Variants in FMN1 observed in about 807,000 individuals in gnomAD.
FMN1 encodes formin-1.
In FMN1, 110 loss-of-function variants were observed where a neutral mutation model predicts 132.4. That is an observed-to-expected ratio of 0.83 (90% CI 0.71 to 0.97). The LOEUF is 0.97. FMN1 is among the 50% of genes least tolerant of loss of function. The pLI is 0.00. For synonymous variants in FMN1, 722 were observed against 651.7 expected (o/e 1.11, Z -1.64); for missense variants, 1,792 against 1,705.3 (o/e 1.05, Z -0.90).
chr15:33,168,963 A>C (rs1965213765), intron 3 of FMN1, among the ~76,000 whole-genome samples: 1 of 152,196 alleles, frequency 6.6e-6, no homozygotes, highest in African/African-American at 2.4e-5. Flanking sequence ...TAATAAACTG[A>C]GCTGCTCTGG....
At chr15:32,900,801 A>G (rs147679475) in intron 13 of FMN1, among the ~76,000 whole-genome samples, 6 of 152,178 alleles carry the variant, frequency 3.9e-5, no homozygotes, top group African/African-American at 1.4e-4. Flanking sequence ...CAATTTTCCA[A>G]TTGAAATTTT....
intron 6 of FMN1, among the ~76,000 whole-genome samples, chr15:33,034,247 C>T (rs2036086104): frequency 6.6e-6 from 1 of 152,094 alleles, no homozygotes; most frequent in Non-Finnish European, 1.5e-5. Context: ...TAAACATGCT[C>T]CACCCACGGT....
chr15:32,820,644 A>G (rs1301634328), intron 17 of FMN1, among the ~76,000 whole-genome samples: 1 of 152,100 alleles, frequency 6.6e-6, no homozygotes, highest in African/African-American at 2.4e-5. Context: ...AGAGAAGTAG[A>G]TTTGTTAGTG....
At chr15:32,878,687 T>C (rs375236398) in intron 16 of FMN1, among the ~76,000 whole-genome samples, 7 of 152,304 alleles carry the variant, frequency 4.6e-5, no homozygotes, top group African/African-American at 1.4e-4. Context: ...CTCATTTTTA[T>C]ATGAGGATAC....
chr15:32,916,455 G>A (rs1294291205), intron 10 of FMN1, among the ~76,000 whole-genome samples: 1 of 152,202 alleles, frequency 6.6e-6, no homozygotes, highest in Non-Finnish European at 1.5e-5. Flanking sequence ...TGAGCAAGAA[G>A]CATGGGACAC....
chr15:32,794,189 CG>C (rs2057195108), intron 19 of FMN1, among the ~76,000 whole-genome samples: 1 of 152,044 alleles, frequency 6.6e-6, no homozygotes, highest in African/African-American at 2.4e-5. Flanking sequence ...ACAGCCCCCT[CG>C]CCCCCAAAAG....
chr15:33,077,785 C>T (rs1037397612), intron 5 of FMN1, among the ~76,000 whole-genome samples: 4 of 78,402 alleles, frequency 5.1e-5, no homozygotes, highest in African/African-American at 1.7e-4. Context: ...AGAACTCAAA[C>T]AAATTTACAA....
chr15:33,168,759 T>C (rs1350987253), intron 3 of FMN1, among the ~76,000 whole-genome samples: 3 of 152,236 alleles, frequency 2.0e-5, no homozygotes, highest in Non-Finnish European at 1.5e-5. Flanking sequence ...GGCACAAGGC[T>C]GCAGGTTCTA....
chr15:32,993,404 T>C lies in FMN1; in HGVS notation c.2223+14610A>G, dbSNP rs191089476. Among the ~76,000 whole-genome samples, 469 of 152,274 alleles carry C rather than the reference T, an allele frequency of 3.1e-3. 4 individuals carry two copies. Among genetic ancestry groups the C allele is most frequent in the Middle Eastern group, 0.01 (3 of 294 alleles). Reference sequence around the variant, plus strand: ...AGATAAGGGTCATGCCATATATAGTTTTAAAACAAAACAAACAGAACTGTG... The same window carrying C: ...AGATAAGGGTCATGCCATATATAGTCTTAAAACAAAACAAACAGAACTGTG... On this transcript the variant is annotated intron_variant, in intron 7 of 20. Transcript: ENST00000616417.
chr15:32,896,640 T>C (rs987446714), intron 15 of FMN1, among the ~76,000 whole-genome samples: 4 of 151,960 alleles, frequency 2.6e-5, no homozygotes, highest in African/African-American at 9.7e-5. Flanking sequence ...TTTAGATACT[T>C]ATTTAAGTGG....
At chr15:32,815,974 T>C (rs73386836) in intron 17 of FMN1, among the ~76,000 whole-genome samples, 209 of 152,368 alleles carry the variant, frequency 1.4e-3, no homozygotes, top group African/African-American at 4.9e-3. Flanking sequence ...AAAGTAATGA[T>C]AGAGCCTACA....
intron 6 of FMN1, among the ~76,000 whole-genome samples, chr15:33,024,836 C>T (rs6494838): frequency 0.47 from 70,923 of 152,036 alleles, 16,990 homozygotes; most frequent in Middle Eastern, 0.53. Context: ...ACCAGCACTA[C>T]AGACAAGCAA....
chr15:32,812,244 C>T (rs76404973), intron 17 of FMN1, among the ~76,000 whole-genome samples: 4,104 of 152,192 alleles, frequency 0.027, 171 homozygotes, highest in African/African-American at 0.093. Context: ...TAGGGCAGTA[C>T]GACTTAATTC....
Position 32,947,871 on chromosome 15 carries a change from A to G in FMN1, c.3138+16236T>C, listed in dbSNP as rs571641731. On this transcript the variant is annotated intron_variant, in intron 9 of 20. Coordinates refer to ENST00000616417, the MANE Select transcript of FMN1 (RefSeq NM_001277313.2). ...TATTCTCTCATTTTTTAAATTTGTCAATACAGATTTTCTATGCTGAAAAAT... is the reference window on the plus strand; with the variant it reads ...TATTCTCTCATTTTTTAAATTTGTCGATACAGATTTTCTATGCTGAAAAAT... Among the ~76,000 whole-genome samples the G allele has an allele frequency of 2.7e-3, 413 of 152,156 alleles. 3 individuals are homozygous for G. Among genetic ancestry groups the G allele is most frequent in the Non-Finnish European group, 4.4e-3 (301 of 67,932 alleles).
chr15:33,056,748 T>C (rs2037235047), intron 6 of FMN1, among the ~76,000 whole-genome samples: 1 of 152,188 alleles, frequency 6.6e-6, no homozygotes. Context: ...AATATATTCA[T>C]ACAATGGAAT....
At chr15:32,948,650 G>T (rs903513779) in intron 9 of FMN1, among the ~76,000 whole-genome samples, 1 of 151,710 alleles carries the variant, frequency 6.6e-6, no homozygotes, top group Admixed American at 6.6e-5. Context: ...TCATTTATTG[G>T]CAAAAATTTG....
chr15:33,124,708 G>T, intron 4 of FMN1, among the ~76,000 whole-genome samples: 1 of 152,064 alleles, frequency 6.6e-6, no homozygotes, highest in East Asian at 1.9e-4. Context: ...GATCCACAAA[G>T]TCTGGAAGGA....
intron 17 of FMN1, among the ~76,000 whole-genome samples, chr15:32,822,756 A>G (rs1389289006): frequency 1.3e-5 from 2 of 152,150 alleles, no homozygotes; most frequent in Non-Finnish European, 2.9e-5. Context: ...CATCAACTCA[A>G]ATTTTAATTT....
At chr15:32,901,776 T>C (rs542076940) in intron 13 of FMN1, 135 bp downstream of exon 13, 52 of 599,908 alleles carry the variant, frequency 8.7e-5, no homozygotes, top group African/African-American at 7.8e-4. Flanking sequence ...GGCAAGATAA[T>C]CATCAAATTT....
Sources: allele counts gnomAD v4.1 joint callset (sites outside exome capture counted in the v4.1 genomes callset), GRCh38; gene constraint gnomAD v4.1.1; transcripts MANE v1.5; gene names NCBI Gene and HGNC (gene_info 2026-07-23, HGNC 2026-07-21).